The following NRG3 variants were observed in gnomAD, a reference collection of about 807,000 sequenced individuals.
NRG3 encodes neuregulin 3.
A neutral mutation model predicts 66.9 loss-of-function variants in NRG3; 31 were observed. That is an observed-to-expected ratio of 0.46 (90% CI 0.35 to 0.63). NRG3 has a LOEUF of 0.63. Among genes scored for constraint, NRG3 ranks in the 20% least tolerant of loss-of-function variants. NRG3 has a pLI of 0.00. For synonymous variants in NRG3, 393 were observed against 359.4 expected, an observed-to-expected ratio of 1.09 and a Z score of -1.06; for missense variants, 910 against 878.9, an observed-to-expected ratio of 1.04 and a Z score of -0.45.
chr10:82,425,521 C>A (rs948287412), intron 2 of NRG3, among the ~76,000 whole-genome samples: 1 of 152,040 alleles, frequency 6.6e-6, no homozygotes, highest in African/African-American at 2.4e-5. Flanking sequence ...TTTTAAATTT[C>A]TGTTCTGCTA....
Position 82,569,210 on chromosome 10 carries a change from A to T in NRG3, c.954-169367A>T, listed in dbSNP as rs111511039. ...CCTTACTCATAGCAGTTCAATAATA[A>T]TACTAATAATAAAATTCATCATAAT... is the stretch of plus-strand genomic sequence containing the variant. On this transcript the variant is annotated intron_variant, in intron 2 of 8. Coordinates refer to ENST00000372141, the MANE Select transcript of NRG3 (RefSeq NM_001010848.4). Among the ~76,000 whole-genome samples, 480 of 151,884 alleles carry T rather than the reference A, an allele frequency of 3.2e-3. 4 individuals are homozygous for T. The highest frequency in any genetic ancestry group is 0.011 in the African/African-American group (470 of 41,512).
At chr10:82,885,956 C>G (rs1842686604) in intron 4 of NRG3, among the ~76,000 whole-genome samples, 1 of 152,024 alleles carries the variant, frequency 6.6e-6, no homozygotes. Context: ...ACTGCAATCT[C>G]CGCCTCCCGG....
chr10:82,982,038 A>G (rs1178279653), intron 8 of NRG3, among the ~76,000 whole-genome samples: 3 of 152,214 alleles, frequency 2.0e-5, no homozygotes, highest in Non-Finnish European at 1.5e-5. Context: ...TGTGTAAAAG[A>G]GCTGCGATTG....
At chr10:82,831,976 C>T (rs777260936) in intron 3 of NRG3, among the ~76,000 whole-genome samples, 5 of 152,022 alleles carry the variant, frequency 3.3e-5, no homozygotes, top group Non-Finnish European at 7.4e-5. Context: ...ACCTCTTTCA[C>T]ACAGCAGTAT....
At chr10:82,534,528 G>C (rs1847627628) in intron 2 of NRG3, among the ~76,000 whole-genome samples, 1 of 152,070 alleles carries the variant, frequency 6.6e-6, no homozygotes, top group Admixed American at 6.6e-5. Context: ...GCCTCCCAAA[G>C]TGCTGGGATT....
chr10:82,198,985 C>T (rs552797653), intron 1 of NRG3, among the ~76,000 whole-genome samples: 8 of 144,772 alleles, frequency 5.5e-5, no homozygotes, highest in South Asian at 2.2e-4. Flanking sequence ...CAACAGAACA[C>T]GACTCCATCT....
At position 82,900,308 on chromosome 10, in the gene NRG3, G is replaced by A. The variant is rs117577169; in HGVS notation, c.1054+34871G>A. On this transcript the variant is annotated intron_variant, in intron 4 of 8. Transcript: ENST00000372141. ...TGGGGACACGCATCCAATCTGGATT[G>A]CATATCCTCATCAAAATGTCAATAC... Among the ~76,000 whole-genome samples, 4 of 152,202 alleles carry A rather than the reference G, an allele frequency of 2.6e-5. No homozygotes were observed. In the East Asian group the frequency reaches 7.7e-4, roughly 29 times the overall value.
At chr10:82,869,176 C>A (rs979907180) in intron 4 of NRG3, among the ~76,000 whole-genome samples, 2 of 152,104 alleles carry the variant, frequency 1.3e-5, no homozygotes, top group Non-Finnish European at 2.9e-5. Flanking sequence ...AATGCTAGTT[C>A]TATTTGTGTG....
intron 1 of NRG3, among the ~76,000 whole-genome samples, chr10:82,117,057 G>A (rs2067771099): frequency 1.3e-5 from 2 of 152,082 alleles, no homozygotes; most frequent in South Asian, 2.1e-4. Context: ...CCACTTTTCT[G>A]TCTGGGATTC....
intron 2 of NRG3, among the ~76,000 whole-genome samples, chr10:82,672,232 C>A (rs968135352): frequency 1.3e-5 from 2 of 152,054 alleles, no homozygotes; most frequent in Non-Finnish European, 2.9e-5. Context: ...ACAGAAAGTG[C>A]AAAGGGTGCC....
chr10:82,367,608 A>C (rs2084626051), intron 2 of NRG3, among the ~76,000 whole-genome samples: 1 of 152,174 alleles, frequency 6.6e-6, no homozygotes, highest in Admixed American at 6.5e-5. Context: ...ACTCTTTAAA[A>C]AGTGTTGTCT....
At chr10:81,935,868 A>T (rs1307127270) in intron 1 of NRG3, among the ~76,000 whole-genome samples, 1 of 135,784 alleles carries the variant, frequency 7.4e-6, no homozygotes, top group East Asian at 2.2e-4. Context: ...TATACTTTTC[A>T]GTGCCTGAAC....
chr10:82,509,125 AC>A (rs1844938361), intron 2 of NRG3, among the ~76,000 whole-genome samples: 1 of 150,066 alleles, frequency 6.7e-6, no homozygotes, highest in African/African-American at 2.5e-5. Context: ...TATCCCCCAA[AC>A]TCCCCTCCCT....
Position 82,302,593 on chromosome 10 carries a change from G to A in NRG3, c.824-56146G>A, listed in dbSNP as rs570892888. 6.6e-5 allele frequency among the ~76,000 whole-genome samples: 10 copies of A among 152,050 alleles called. 1 individual carries two copies. In the East Asian group the frequency reaches 1.9e-3, roughly 29 times the overall value. On this transcript the variant is annotated intron_variant, in intron 1 of 8. Transcript: ENST00000372141. ...AATTTCCTAATACAAACATGAAAGG[G>A]CAATACAATTTCACATCACAGACCT...
intron 2 of NRG3, among the ~76,000 whole-genome samples, chr10:82,437,770 T>A (rs1252529930): frequency 6.6e-6 from 1 of 152,166 alleles, no homozygotes; most frequent in South Asian, 2.1e-4. Context: ...GTTGCTTTCT[T>A]CTGGTTTGTT....
chr10:82,734,034 G>C (rs2820105), intron 2 of NRG3, among the ~76,000 whole-genome samples: 80,537 of 152,002 alleles, frequency 0.53, 21,892 homozygotes, highest in East Asian at 0.59. Context: ...TCTTCCTTAG[G>C]GTCCTCCACA....
chr10:82,882,845 T>C (rs986133551), intron 4 of NRG3, among the ~76,000 whole-genome samples: 2 of 152,260 alleles, frequency 1.3e-5, no homozygotes, highest in East Asian at 3.9e-4. Flanking sequence ...GGGTAACAGT[T>C]ACTACCAACA....
At chr10:82,468,213 C>T (rs1840871683) in intron 2 of NRG3, among the ~76,000 whole-genome samples, 1 of 152,208 alleles carries the variant, frequency 6.6e-6, no homozygotes, top group African/African-American at 2.4e-5. Flanking sequence ...CTCAACCTCC[C>T]TCCACCACAT....
intron 3 of NRG3, among the ~76,000 whole-genome samples, chr10:82,772,004 T>A (rs1436114103): frequency 6.6e-6 from 1 of 152,188 alleles, no homozygotes; most frequent in Admixed American, 6.5e-5. Context: ...TCATCTCAGT[T>A]TAAACTCTAC....
Sources: allele counts gnomAD v4.1 joint callset (sites outside exome capture counted in the v4.1 genomes callset), GRCh38; gene constraint gnomAD v4.1.1; transcripts MANE v1.5; gene names NCBI Gene and HGNC (gene_info 2026-07-23, HGNC 2026-07-21).